Variants in GALNT13 observed in about 807,000 individuals in gnomAD.
The protein encoded by GALNT13 is polypeptide N-acetylgalactosaminyltransferase 13.
Under a neutral mutation model 64.2 loss-of-function variants are expected in GALNT13, and 28 were observed. The ratio of observed to expected loss-of-function variants is 0.44; its 90% CI spans 0.32 to 0.60. The LOEUF (loss-of-function observed/expected upper bound fraction) is 0.60, where lower values mean the gene tolerates loss of function less well. Ranked by LOEUF, GALNT13 falls within the 20% of genes least tolerant of loss-of-function variation. The pLI is 0.05. For synonymous variants in GALNT13, 214 were observed against 224.6 expected, an observed-to-expected ratio of 0.95 and a Z score of 0.42; for missense variants, 577 against 669.8, an observed-to-expected ratio of 0.86 and a Z score of 1.53.
chr2:153,123,149 AAGAC>A, the GALNT13 span, among the ~76,000 whole-genome samples: 1 of 152,188 alleles, frequency 6.6e-6, no homozygotes, highest in South Asian at 2.1e-4. Context: ...ATGCCATACA[AAGAC>A]AGAGGCAGAG....
intron 9 of GALNT13, among the ~76,000 whole-genome samples, chr2:154,341,152 A>G (rs911323272): frequency 6.6e-6 from 1 of 152,052 alleles, no homozygotes; most frequent in Admixed American, 6.6e-5. Flanking sequence ...TTTCCTTTCT[A>G]ATAAAATATA....
the GALNT13 span, among the ~76,000 whole-genome samples, chr2:153,253,584 A>G: frequency 6.0e-5 from 9 of 150,020 alleles, no homozygotes; most frequent in East Asian, 1.7e-3. Context: ...TTGCCCATTC[A>G]GTATGATATT....
At chr2:154,219,830 A>G (rs1688232952) in intron 4 of GALNT13, among the ~76,000 whole-genome samples, 2 of 152,034 alleles carry the variant, frequency 1.3e-5, no homozygotes, top group Admixed American at 1.3e-4. Context: ...AGACATTATG[A>G]TTTGCAGAAG....
intron 4 of GALNT13, among the ~76,000 whole-genome samples, chr2:154,233,060 AAAAG>A (rs1318568706): frequency 4.6e-5 from 7 of 151,516 alleles, no homozygotes; most frequent in Admixed American, 1.3e-4. Context: ...AAAAAAAAGA[AAAAG>A]AAAAGAAAAA....
chr2:154,066,063 G>C (rs1700446914), intron 3 of GALNT13, among the ~76,000 whole-genome samples: 1 of 152,176 alleles, frequency 6.6e-6, no homozygotes, highest in Admixed American at 6.5e-5. Flanking sequence ...ATAAAATCTG[G>C]AGTTGAATAA....
chr2:153,540,720 T>A, the GALNT13 span, among the ~76,000 whole-genome samples: 1 of 152,218 alleles, frequency 6.6e-6, no homozygotes, highest in South Asian at 2.1e-4. Flanking sequence ...AAAGCAGATT[T>A]TGAAGCTTTA....
chr2:154,454,707 G>T (rs1360507459), downstream of GALNT13: 2 of 151,946 alleles, frequency 1.3e-5, no homozygotes, highest in Non-Finnish European at 2.9e-5. Context: ...ATTCTTACTA[G>T]TCATTTAAAT....
At chr2:153,279,918 T>C in the GALNT13 span, among the ~76,000 whole-genome samples, 2 of 152,200 alleles carry the variant, frequency 1.3e-5, no homozygotes, top group African/African-American at 2.4e-5. Context: ...GCTCAAACTT[T>C]TGCAATAGTT....
chr2:153,167,808 CT>C, the GALNT13 span, among the ~76,000 whole-genome samples: 1 of 152,062 alleles, frequency 6.6e-6, no homozygotes, highest in African/African-American at 2.4e-5. Flanking sequence ...CTCTTCCTTA[CT>C]TTTTTAGAAG....
At chr2:153,254,849 T>C in the GALNT13 span, among the ~76,000 whole-genome samples, 1 of 152,224 alleles carries the variant, frequency 6.6e-6, no homozygotes, top group East Asian at 1.9e-4. Flanking sequence ...TGTTATAATT[T>C]CTGTTCTTTT....
chr2:153,968,396 G>A (rs1047535566), intron 3 of GALNT13, among the ~76,000 whole-genome samples: 1 of 152,160 alleles, frequency 6.6e-6, no homozygotes, highest in South Asian at 2.1e-4. Context: ...CACTTCCTTT[G>A]CTGTCCCTTC....
chr2:153,413,428 A>G, the GALNT13 span, among the ~76,000 whole-genome samples: 20 of 152,090 alleles, frequency 1.3e-4, no homozygotes, highest in African/African-American at 4.6e-4. Context: ...CACTCATACA[A>G]CTCTCCACCA....
intron 4 of GALNT13, among the ~76,000 whole-genome samples, chr2:154,156,516 G>T (rs1684431768): frequency 6.6e-6 from 1 of 152,086 alleles, no homozygotes; most frequent in African/African-American, 2.4e-5. Flanking sequence ...ATATTAAGTA[G>T]TTGAACTGAA....
At chr2:153,124,417 C>G in the GALNT13 span, among the ~76,000 whole-genome samples, 2 of 152,178 alleles carry the variant, frequency 1.3e-5, no homozygotes, top group Non-Finnish European at 2.9e-5. Context: ...TATTAAAATG[C>G]TTGAGCTTTT....
intron 11 of GALNT13, among the ~76,000 whole-genome samples, chr2:154,410,369 A>G (rs1699738717): frequency 6.6e-6 from 1 of 151,970 alleles, no homozygotes; most frequent in South Asian, 2.1e-4. Flanking sequence ...ATGATTTCAT[A>G]AAGAAACCAA....
chr2:153,291,164 A>G, the GALNT13 span, among the ~76,000 whole-genome samples: 5 of 152,240 alleles, frequency 3.3e-5, no homozygotes, highest in Non-Finnish European at 7.3e-5. Context: ...ATTGTTAATC[A>G]GATATTTTGA....
chr2:153,737,213 G>T, the GALNT13 span, among the ~76,000 whole-genome samples: 1 of 152,162 alleles, frequency 6.6e-6, no homozygotes, highest in Admixed American at 6.5e-5. Context: ...GGAAGAAAGA[G>T]AATTTTAAAT....
At chr2:153,074,135 C>T in the GALNT13 span, among the ~76,000 whole-genome samples, 15 of 152,210 alleles carry the variant, frequency 9.9e-5, no homozygotes, top group South Asian at 2.1e-4. Flanking sequence ...CTGGCTAAAT[C>T]CATTAACTTA....
chr2:154,277,401 T>C (rs1691708386), intron 8 of GALNT13, among the ~76,000 whole-genome samples: 1 of 152,168 alleles, frequency 6.6e-6, no homozygotes, highest in African/African-American at 2.4e-5. Context: ...TTTAAATCTC[T>C]ATGGTAACGA....
Sources: gnomAD v4.1 joint callset for allele counts (sites outside exome capture counted in the v4.1 genomes callset) on GRCh38, gnomAD v4.1.1 for gene constraint, MANE v1.5 for transcripts, NCBI Gene and HGNC (gene_info 2026-07-23, HGNC 2026-07-21) for gene names.